ARHGAP31: variants seen among roughly 807,000 people sequenced by gnomAD.
ARHGAP31 encodes the protein Rho GTPase activating protein 31, also known as rho GTPase-activating protein 31.
A neutral mutation model predicts 113.9 loss-of-function variants in ARHGAP31; 34 were observed. That is an observed-to-expected ratio of 0.30 (90% CI 0.23 to 0.40). The LOEUF is 0.40. Ranked by LOEUF, ARHGAP31 falls within the 10% of genes least tolerant of loss-of-function variation. The pLI is 1.00. For synonymous variants in ARHGAP31, 650 were observed against 684.8 expected (o/e 0.95, Z 0.79); for missense variants, 1,548 against 1,767.1 (o/e 0.88, Z 2.22).
At chr3:119,352,487 T>A (rs2080118489) in intron 1 of ARHGAP31, among the ~76,000 whole-genome samples, 1 of 152,186 alleles carries the variant, frequency 6.6e-6, no homozygotes, top group Admixed American at 6.5e-5. Context: ...GAAGAGTGAG[T>A]CCTCTCACTT....
intron 1 of ARHGAP31, among the ~76,000 whole-genome samples, chr3:119,325,660 G>C (rs141620607): frequency 0.03 from 4,571 of 151,032 alleles, 57 homozygotes; most frequent in Non-Finnish European, 0.044. Context: ...GCGGGGGTTG[G>C]GGGGGAAGGG....
At chr3:119,364,234 G>A (rs959569618) in intron 1 of ARHGAP31, among the ~76,000 whole-genome samples, 1 of 123,412 alleles carries the variant, frequency 8.1e-6, no homozygotes, top group African/African-American at 3.0e-5. Flanking sequence ...GGGGTGGGGG[G>A]ATGGAGGTGG....
In ARHGAP31 at chr3:119,391,438, A is replaced by T. The variant is rs185301839; in HGVS notation, c.881+455A>T. The stretch of plus-strand genomic sequence containing the variant: ...ACTAGGCTGATAGCTCTGGGTGAGC[A>T]GCAGTTGGGGACATGCAAACCTGGC... On this transcript the variant is annotated intron_variant, in intron 7 of 11. Coordinates refer to ENST00000264245, the MANE Select transcript of ARHGAP31 (RefSeq NM_020754.4). 3.8e-3 allele frequency among the ~76,000 whole-genome samples: 583 copies of T among 152,266 alleles called. 2 individuals are homozygous for T. Among genetic ancestry groups the T allele is most frequent in the African/African-American group, 0.013 (533 of 41,546 alleles).
intron 1 of ARHGAP31, among the ~76,000 whole-genome samples, chr3:119,315,540 G>T (rs889529241): frequency 6.6e-6 from 1 of 152,230 alleles, no homozygotes; most frequent in Non-Finnish European, 1.5e-5. Flanking sequence ...CCTGGCCTGT[G>T]ATGACTCTGC....
intron 1 of ARHGAP31, among the ~76,000 whole-genome samples, chr3:119,357,556 A>G (rs1468578155): frequency 2.0e-5 from 3 of 152,250 alleles, no homozygotes; most frequent in Admixed American, 6.5e-5. Context: ...CCCTGTCTGT[A>G]GGAACTAAAG....
chr3:119,325,843 C>T (rs1469978825), intron 1 of ARHGAP31, among the ~76,000 whole-genome samples: 1 of 152,154 alleles, frequency 6.6e-6, no homozygotes, highest in African/African-American at 2.4e-5. Context: ...TAGCTGTCAC[C>T]CATACTGATT....
At chr3:119,318,267 C>T (rs1469197041) in intron 1 of ARHGAP31, among the ~76,000 whole-genome samples, 3 of 152,158 alleles carry the variant, frequency 2.0e-5, no homozygotes, top group African/African-American at 7.2e-5. Flanking sequence ...GAGACCCTGT[C>T]TCAATAATAC....
intron 1 of ARHGAP31, among the ~76,000 whole-genome samples, chr3:119,326,938 G>A (rs1289975737): frequency 6.6e-6 from 1 of 152,058 alleles, no homozygotes; most frequent in Non-Finnish European, 1.5e-5. Context: ...ACAAATTCAA[G>A]ACCAGCCTGG....
intron 1 of ARHGAP31, among the ~76,000 whole-genome samples, chr3:119,353,059 A>T (rs2080124297): frequency 6.6e-6 from 1 of 152,208 alleles, no homozygotes; most frequent in African/African-American, 2.4e-5. Flanking sequence ...ATATTGCGTC[A>T]CGTCAATTAC....
At chr3:119,336,609 A>T (rs1484058148) in intron 1 of ARHGAP31, among the ~76,000 whole-genome samples, 1 of 152,214 alleles carries the variant, frequency 6.6e-6, no homozygotes, top group East Asian at 1.9e-4. Context: ...CTAAGTTCTA[A>T]ACAATTGCTG....
At chr3:119,311,026 A>G (rs895853072) in intron 1 of ARHGAP31, among the ~76,000 whole-genome samples, 1 of 152,232 alleles carries the variant, frequency 6.6e-6, no homozygotes, top group East Asian at 1.9e-4. Context: ...TGAAGAGCAC[A>G]GAAGTGACAG....
chr3:119,382,996 G>T (rs1175213979), intron 5 of ARHGAP31, 88 bp from the exon 6 acceptor site: 2 of 1,490,418 alleles, frequency 1.3e-6, no homozygotes, highest in Admixed American at 1.7e-5. Flanking sequence ...TAGGAGATGA[G>T]CCTTGTGCAA....
intron 1 of ARHGAP31, among the ~76,000 whole-genome samples, chr3:119,317,329 C>T (rs976743860): frequency 2.0e-5 from 3 of 152,098 alleles, no homozygotes; most frequent in Non-Finnish European, 4.4e-5. Flanking sequence ...CAGGCGCCCA[C>T]CACCATGTCC....
intron 1 of ARHGAP31, among the ~76,000 whole-genome samples, chr3:119,330,555 C>G (rs1428878985): frequency 6.6e-6 from 1 of 152,140 alleles, no homozygotes; most frequent in African/African-American, 2.4e-5. Flanking sequence ...AATTAGTAAA[C>G]TCTAGTTTTG....
At chr3:119,313,622 C>T (rs2079702125) in intron 1 of ARHGAP31, among the ~76,000 whole-genome samples, 1 of 152,210 alleles carries the variant, frequency 6.6e-6, no homozygotes, top group African/African-American at 2.4e-5. Context: ...GTCAGCTGGA[C>T]AGCTGGAGTT....
At chr3:119,392,739 G>A (rs2107636459) in intron 7 of ARHGAP31, among the ~76,000 whole-genome samples, 1 of 152,330 alleles carries the variant, frequency 6.6e-6, no homozygotes, top group East Asian at 1.9e-4. Context: ...TTTCTCTGCA[G>A]TGATCATTGA....
chr3:119,408,041 A>G (rs7653469), intron 10 of ARHGAP31, among the ~76,000 whole-genome samples: 17,290 of 77,688 alleles, frequency 0.22, 2,410 homozygotes, highest in African/African-American at 0.49. Flanking sequence ...CAACCTAGAG[A>G]TAAGCAACCT....
At chr3:119,336,825 C>T (rs1388506331) in intron 1 of ARHGAP31, among the ~76,000 whole-genome samples, 3 of 152,302 alleles carry the variant, frequency 2.0e-5, no homozygotes, top group East Asian at 3.9e-4. Flanking sequence ...ACCTTCCCAC[C>T]TACTCTCCCG....
chr3:119,338,770 C>T (rs1267388223), intron 1 of ARHGAP31, among the ~76,000 whole-genome samples: 1 of 152,152 alleles, frequency 6.6e-6, no homozygotes, highest in African/African-American at 2.4e-5. Flanking sequence ...GCATTATACA[C>T]TTATTACTGA....
Sources: allele counts gnomAD v4.1 joint callset (sites outside exome capture counted in the v4.1 genomes callset), GRCh38; gene constraint gnomAD v4.1.1; transcripts MANE v1.5; gene names NCBI Gene and HGNC (gene_info 2026-07-23, HGNC 2026-07-21).